GRXCR1: variants seen among roughly 807,000 people sequenced by gnomAD.
GRXCR1 encodes the protein glutaredoxin domain-containing cysteine-rich protein 1.
GRXCR1 carries 27 observed loss-of-function variants against 27.3 expected under a neutral mutation model. The observed-to-expected ratio is 0.99, with a 90% CI of 0.73 to 1.37. The LOEUF (loss-of-function observed/expected upper bound fraction) is 1.37. Ranked by LOEUF, GRXCR1 falls within the 40% of genes most tolerant of loss-of-function variation. The pLI is 0.00. For synonymous variants in GRXCR1, 122 were observed against 131.1 expected, an observed-to-expected ratio of 0.93 and a Z score of 0.47; for missense variants, 379 against 354.4, an observed-to-expected ratio of 1.07 and a Z score of -0.56.
intron 1 of GRXCR1, among the ~76,000 whole-genome samples, chr4:42,903,741 A>G (rs1036717233): frequency 3.8e-5 from 5 of 131,040 alleles, no homozygotes; most frequent in African/African-American, 1.3e-4. Flanking sequence ...TCAGCTACTC[A>G]ATTACAAGCT....
Position 42,962,947 on chromosome 4 carries a change from G to A in GRXCR1, c.440G>A (p.Arg147His), listed in dbSNP as rs142351714. 1.2e-6 allele frequency: 2 copies of A among 1,612,352 alleles called. No homozygotes were observed. The highest frequency in any genetic ancestry group is 2.2e-5 in the East Asian group (1 of 44,842). ...GTAGTGATTTATACCACCTGCCTTC[G>A]TGTGGTCCGGACAACCTTTGAAAGA... The part of the protein sequence containing the change: ...DRVVIYTTCL[R>H]VVRTTFERCE... The change falls in exon 2 of 4, where the codon CGT becomes CAT. Residue 147 changes from arginine to histidine, a missense_variant. Physicochemically the swap from Arg to His is conservative, Grantham distance 29. Coordinates refer to ENST00000399770, the MANE Select transcript of GRXCR1 (RefSeq NM_001080476.3).
At chr4:42,997,603 A>C (rs1484278570) in intron 2 of GRXCR1, among the ~76,000 whole-genome samples, 1 of 152,128 alleles carries the variant, frequency 6.6e-6, no homozygotes, top group Non-Finnish European at 1.5e-5. Flanking sequence ...AATGCAAAGG[A>C]GCTCCTCCCC....
intron 2 of GRXCR1, among the ~76,000 whole-genome samples, chr4:42,987,002 A>ATGTGTGTGTGTG (rs36224914): frequency 0.021 from 2,899 of 140,856 alleles, 52 homozygotes; most frequent in Non-Finnish European, 0.034. Context: ...AGATATGTGT[A>ATGTGTGTGTGTG]TGTGTGTGTG....
At chr4:42,902,746 T>C (rs1433375923) in intron 1 of GRXCR1, among the ~76,000 whole-genome samples, 1 of 152,108 alleles carries the variant, frequency 6.6e-6, no homozygotes, top group Non-Finnish European at 1.5e-5. Context: ...GCTTAACACC[T>C]AGGTGATGGG....
rs149137062 is a variant in GRXCR1, at chr4:42,932,519, C to T, written c.385-30373C>T. Among the ~76,000 whole-genome samples, 308 of 143,672 alleles carry T rather than the reference C, an allele frequency of 2.1e-3. 1 individual carries two copies. The highest frequency in any genetic ancestry group is 7.5e-3 in the African/African-American group (289 of 38,744). 94.3% of individuals were successfully genotyped at this position (143,672 alleles called of 152,430 possible). ...TCTTGCCTGTAGAACTTTTCATCAG[C>T]TCCAAGAGAAATAGATCAGGCCAAA... On this transcript the variant is annotated intron_variant, in intron 1 of 3. Coordinates refer to ENST00000399770, the MANE Select transcript of GRXCR1 (RefSeq NM_001080476.3).
In GRXCR1 at chr4:42,950,573, G is replaced by A. The variant is rs112464889; in HGVS notation, c.385-12319G>A. ...TTTGTTTAGTAGGAATGTGGTTACCGGGAGATATTTCTGAATTAGATTCTA... is the reference window on the plus strand; with the variant it reads ...TTTGTTTAGTAGGAATGTGGTTACCAGGAGATATTTCTGAATTAGATTCTA... On this transcript the variant is annotated intron_variant, in intron 1 of 3. Coordinates refer to ENST00000399770, the MANE Select transcript of GRXCR1 (RefSeq NM_001080476.3). Among the ~76,000 whole-genome samples, 519 of 152,228 alleles carry A rather than the reference G, an allele frequency of 3.4e-3. 3 individuals carry two copies. Among genetic ancestry groups the A allele is most frequent in the African/African-American group, 0.012 (492 of 41,556 alleles).
At chr4:42,995,818 C>G (rs1253167594) in intron 2 of GRXCR1, among the ~76,000 whole-genome samples, 1 of 152,116 alleles carries the variant, frequency 6.6e-6, no homozygotes, top group East Asian at 1.9e-4. Context: ...AACAAAATAT[C>G]AGGTTTGAAG....
chr4:43,017,103 A>T (rs965993647), intron 2 of GRXCR1, among the ~76,000 whole-genome samples: 6 of 152,332 alleles, frequency 3.9e-5, no homozygotes, highest in African/African-American at 1.4e-4. Context: ...TAAATAACTG[A>T]ATAAGATGCA....
chr4:42,976,742 G>A (rs901150306), intron 2 of GRXCR1, among the ~76,000 whole-genome samples: 3 of 151,920 alleles, frequency 2.0e-5, no homozygotes, highest in Admixed American at 6.6e-5. Flanking sequence ...ATGTTTTGAA[G>A]TATATATACA....
intron 2 of GRXCR1, among the ~76,000 whole-genome samples, chr4:42,986,485 T>A (rs1711727735): frequency 6.6e-6 from 1 of 152,142 alleles, no homozygotes; most frequent in Non-Finnish European, 1.5e-5. Context: ...TGGATTAGGA[T>A]TCGTGGTTTC....
intron 1 of GRXCR1, among the ~76,000 whole-genome samples, chr4:42,899,563 T>C (rs185747167): frequency 1.4e-4 from 21 of 152,264 alleles, no homozygotes; most frequent in Admixed American, 6.5e-5. Flanking sequence ...ATCATTTTAT[T>C]TTGGATCTTT....
In GRXCR1 at chr4:42,902,155, T is replaced by G. The variant is rs555453006; in HGVS notation, c.384+8505T>G. Among the ~76,000 whole-genome samples the G allele has an allele frequency of 6.8e-4, 103 of 152,220 alleles. 1 individual carries two copies. The highest frequency in any genetic ancestry group is 2.5e-3 in the African/African-American group (102 of 41,534). On this transcript the variant is annotated intron_variant, in intron 1 of 3. Transcript: ENST00000399770. The stretch of plus-strand genomic sequence containing the variant: ...ATAACACAGTGTTGATCATGGCAAA[T>G]TGTCAGTATAGAATAACACCAAGTG...
In GRXCR1 at chr4:42,931,772, A is replaced by ATATG. The variant is rs1300212398; in HGVS notation, c.385-31119_385-31116dup. On this transcript the variant is annotated intron_variant, in intron 1 of 3. Coordinates refer to ENST00000399770, the MANE Select transcript of GRXCR1 (RefSeq NM_001080476.3). ...CCTATTCCCTTAACAATTTCCAAGA[A>ATATG]TATGATACCTTGTTATCAACTATAG... Among the ~76,000 whole-genome samples the ATATG allele has an allele frequency of 3.9e-5, 6 of 151,990 alleles. No homozygotes were observed. The East Asian group carries it at 1.2e-3, about 30-fold the overall frequency.
intron 2 of GRXCR1, among the ~76,000 whole-genome samples, chr4:42,997,392 A>T (rs1712203383): frequency 6.6e-6 from 1 of 152,190 alleles, no homozygotes; most frequent in South Asian, 2.1e-4. Flanking sequence ...ACTGTAACTA[A>T]AATCTATAGC....
chr4:42,932,613 TATATATAGAGAG>T (rs1356867299), intron 1 of GRXCR1, among the ~76,000 whole-genome samples: 45 of 39,274 alleles, frequency 1.1e-3, no homozygotes, highest in Admixed American at 1.4e-3. Context: ...TATATATATA[TATATATAGAGAG>T]AGAGAGAGAG....
chr4:42,983,150 T>C (rs1404967065), intron 2 of GRXCR1, among the ~76,000 whole-genome samples: 14 of 150,920 alleles, frequency 9.3e-5, no homozygotes, highest in Non-Finnish European at 2.1e-4. Flanking sequence ...TCCTGAATGG[T>C]AATGCCTAGG....
chr4:42,923,450 T>C (rs1236242414), intron 1 of GRXCR1, among the ~76,000 whole-genome samples: 1 of 152,108 alleles, frequency 6.6e-6, no homozygotes, highest in Non-Finnish European at 1.5e-5. Flanking sequence ...ATATATCTTC[T>C]ATTAGAGGAG....
chr4:42,965,077 C>G (rs1017995278), intron 2 of GRXCR1, among the ~76,000 whole-genome samples: 1 of 152,072 alleles, frequency 6.6e-6, no homozygotes, highest in Admixed American at 6.6e-5. Context: ...AACTGCTTAT[C>G]TTCTCACTAC....
chr4:43,004,948 G>C (rs1224547209), intron 2 of GRXCR1, among the ~76,000 whole-genome samples: 2 of 152,088 alleles, frequency 1.3e-5, no homozygotes, highest in Non-Finnish European at 2.9e-5. Context: ...GATTTGGGAG[G>C]GTTCAGGGGT....
Sources: allele counts gnomAD v4.1 joint callset (sites outside exome capture counted in the v4.1 genomes callset), GRCh38; gene constraint gnomAD v4.1.1; transcripts MANE v1.5; gene names NCBI Gene and HGNC (gene_info 2026-07-23, HGNC 2026-07-21).